Variants in PTGER2 observed in about 807,000 individuals in gnomAD.
PTGER2 encodes the protein prostaglandin E receptor 2, also known as prostaglandin E2 receptor EP2 subtype.
Under a neutral mutation model 26.2 loss-of-function variants are expected in PTGER2, and 22 were observed. The ratio of observed to expected loss-of-function variants is 0.84; its 90% confidence interval spans 0.60 to 1.20. PTGER2 has a LOEUF of 1.20. PTGER2 is among the 50% of genes most tolerant of loss of function. The probability of loss-of-function intolerance (pLI) is 0.00; values close to 1 mark genes in which losing one functional copy is unlikely to be tolerated. For synonymous variants in PTGER2, 219 were observed against 208.9 expected (o/e 1.05, Z -0.42); for missense variants, 458 against 475.2 (o/e 0.96, Z 0.34).
chr14:52,323,486 T>A (rs1048625200), intron 1 of PTGER2, among the ~76,000 whole-genome samples: 5 of 152,146 alleles, frequency 3.3e-5, no homozygotes, highest in Non-Finnish European at 7.4e-5. Context: ...ACTTCTCACC[T>A]CAGGTGACCT....
chr14:52,316,587 TGGA>T (rs1308109962), intron 1 of PTGER2, among the ~76,000 whole-genome samples: 1 of 152,230 alleles, frequency 6.6e-6, no homozygotes, highest in Non-Finnish European at 1.5e-5. Flanking sequence ...CTGTAAAAGC[TGGA>T]GGAGAAGTAA....
At chr14:52,323,448 T>C (rs1037574883) in intron 1 of PTGER2, among the ~76,000 whole-genome samples, 1 of 152,058 alleles carries the variant, frequency 6.6e-6, no homozygotes, top group Non-Finnish European at 1.5e-5. Flanking sequence ...GAGATGTAGT[T>C]TCACCATGTT....
Position 52,315,202 on chromosome 14 carries a change from C to T in PTGER2, c.654C>T (p.Val218=), listed in dbSNP as rs560909166. The change falls in exon 1 of 2, where the codon GTC becomes GTT. Residue 218 remains valine (V), a synonymous_variant. Transcript: ENST00000245457. ...CGGTGCTCGCCTGCAACTTCAGTGTCATTCTCAACCTCATCCGCATGCACC... is the reference window on the plus strand; with the variant it reads ...CGGTGCTCGCCTGCAACTTCAGTGTTATTCTCAACCTCATCCGCATGCACC... The part of the protein sequence containing the change: ...IVSVLACNFS[V]ILNLIRMHRR... 13 of 1,610,190 alleles carry T rather than the reference C, an allele frequency of 8.1e-6. No homozygotes were observed. In the East Asian group the frequency reaches 2.2e-4, roughly 28 times the overall value.
intron 1 of PTGER2, among the ~76,000 whole-genome samples, chr14:52,325,091 A>G (rs2033935928): frequency 6.6e-6 from 1 of 152,074 alleles, no homozygotes; most frequent in African/African-American, 2.4e-5. Flanking sequence ...GTGAGTGGAG[A>G]TCACGCCACT....
chr14:52,315,072 A>T lies in PTGER2; in HGVS notation c.524A>T (p.Tyr175Phe), dbSNP rs888714128. ...TTCTGCTCGCTGCCGCTGCTGGACT[A>T]TGGGCAGTACGTCCAGTACTGCCCC... ...LLFCSLPLLDYGQYVQYCPGT... is the reference protein window; with the variant it reads ...LLFCSLPLLDFGQYVQYCPGT... Residue 175 changes from tyrosine to phenylalanine, a missense_variant, in exon 1 of 2, where the codon TAT becomes TTT. Coordinates refer to ENST00000245457, the MANE Select transcript of PTGER2 (RefSeq NM_000956.4). The T allele has an allele frequency of 1.9e-6, 3 of 1,611,698 alleles. No homozygotes were observed. Among genetic ancestry groups the T allele is most frequent in the Middle Eastern group, 1.7e-4 (1 of 5,908 alleles).
intron 1 of PTGER2, among the ~76,000 whole-genome samples, chr14:52,325,005 G>A (rs2033935187): frequency 6.6e-6 from 1 of 152,066 alleles, no homozygotes; most frequent in South Asian, 2.1e-4. Flanking sequence ...CAGGCGTGGT[G>A]GCGGGTGCCT....
Position 52,315,100 on chromosome 14 carries a change from G to A in PTGER2, c.552G>A (p.Gly184=). The change falls in exon 1 of 2, where the codon GGG becomes GGA. Residue 184 remains glycine (G), a synonymous_variant. Coordinates refer to ENST00000245457, the MANE Select transcript of PTGER2 (RefSeq NM_000956.4). ...DYGQYVQYCP[G]TWCFIRHGRT... is the part of the protein sequence containing the mutation. ...GGCAGTACGTCCAGTACTGCCCCGG[G>A]ACCTGGTGCTTCATCCGGCACGGGC... is the stretch of plus-strand genomic sequence containing the variant. 2 of 1,610,954 alleles carry A rather than the reference G, an allele frequency of 1.2e-6. No individual in the cohort carries two copies. Among genetic ancestry groups the A allele is most frequent in the Non-Finnish European group, 8.5e-7 (1 of 1,179,944 alleles).
chr14:52,327,040 ATT>A (rs1475683615), intron 1 of PTGER2, among the ~76,000 whole-genome samples, 179 bp from the exon 2 acceptor site: 1 of 152,224 alleles, frequency 6.6e-6, no homozygotes, highest in Non-Finnish European at 1.5e-5. Context: ...AAATACATTC[ATT>A]ATGTTACAGT....
Position 52,315,402 on chromosome 14 carries a change from C to T in PTGER2, c.843+11C>T. On this transcript the variant is annotated intron_variant, in intron 1 of 1. Transcript: ENST00000245457. Reference sequence around the variant, plus strand: ...TCCTTGCCTTTCACGGTAAGTCACTCCCTACGTTTCCACAGCCCGGCTCTG... The same window carrying T: ...TCCTTGCCTTTCACGGTAAGTCACTTCCTACGTTTCCACAGCCCGGCTCTG... 5 of 1,611,146 alleles carry T rather than the reference C, an allele frequency of 3.1e-6. No individual in the cohort carries two copies. Among genetic ancestry groups the T allele is most frequent in the Non-Finnish European group, 4.2e-6 (5 of 1,179,912 alleles).
intron 1 of PTGER2, among the ~76,000 whole-genome samples, chr14:52,315,900 A>G (rs1450855631): frequency 6.6e-6 from 1 of 152,232 alleles, no homozygotes; most frequent in South Asian, 2.1e-4. Context: ...TCCAGCTGCC[A>G]TTGAAAATGG....
Position 52,315,368 on chromosome 14 carries a change from G to A in PTGER2, c.820G>A (p.Ala274Thr). The A allele has an allele frequency of 3.7e-6, 6 of 1,613,094 alleles. No individual in the cohort carries two copies. The highest frequency in any genetic ancestry group is 5.1e-6 in the Non-Finnish European group (6 of 1,179,968). Residue 274 changes from alanine to threonine, a missense_variant, in exon 1 of 2, where the codon GCC becomes ACC. Ala to Thr is a moderately conservative substitution (Grantham distance 58). Transcript: ENST00000245457. ...ILLAIMTITF[A>T]VCSLPFTIFA... ...CCTGGCTATCATGACCATCACCTTC[G>A]CCGTCTGCTCCTTGCCTTTCACGGT... is the stretch of plus-strand genomic sequence containing the variant.
chr14:52,327,082 A>G, intron 1 of PTGER2, 139 bp from the exon 2 acceptor site: 1 of 626,048 alleles, frequency 1.6e-6, no homozygotes, highest in Non-Finnish European at 2.8e-6. Context: ...AAGATTCCCA[A>G]CCCCCACCTT....
rs2033965441 is a variant in PTGER2 at position 52,327,599 on chromosome 14, C to T, written c.*145C>T. ...ACAAACATTTAAGCTGTGGTCAAGGCTACAGATGTGCTGACAAGGCACTTC... is the reference window on the plus strand; with the variant it reads ...ACAAACATTTAAGCTGTGGTCAAGGTTACAGATGTGCTGACAAGGCACTTC... On this transcript the variant is annotated 3_prime_UTR_variant, in exon 2 of 2. Transcript: ENST00000245457. 1.5e-6 allele frequency: 1 copy of T among 685,330 alleles called. No homozygotes were observed. Among genetic ancestry groups the T allele is most frequent in the Admixed American group, 3.1e-5 (1 of 32,538 alleles). 42.5% of individuals were successfully genotyped at this position (685,330 alleles called of 1,614,324 possible).
chr14:52,323,582 A>G (rs1351508484), intron 1 of PTGER2, among the ~76,000 whole-genome samples: 2 of 152,228 alleles, frequency 1.3e-5, no homozygotes, highest in African/African-American at 2.4e-5. Context: ...GGTGATTTCA[A>G]TGATCGGCCA....
intron 1 of PTGER2, among the ~76,000 whole-genome samples, chr14:52,316,463 A>G (rs1029720748): frequency 6.6e-6 from 1 of 152,152 alleles, no homozygotes; most frequent in Non-Finnish European, 1.5e-5. Context: ...TCCACTTCCT[A>G]ATCTTCAGAA....
chr14:52,317,475 A>T (rs1426287571), intron 1 of PTGER2, among the ~76,000 whole-genome samples: 5 of 152,168 alleles, frequency 3.3e-5, no homozygotes, highest in African/African-American at 1.2e-4. Context: ...ATGTGTGTGG[A>T]TATAGATATA....
chr14:52,324,558 G>A (rs541958424), intron 1 of PTGER2, among the ~76,000 whole-genome samples: 2 of 152,304 alleles, frequency 1.3e-5, no homozygotes, highest in Admixed American at 1.3e-4. Flanking sequence ...TCCCAGCCAA[G>A]AAGAATTTAA....
At chr14:52,319,268 G>T (rs2033871540) in intron 1 of PTGER2, among the ~76,000 whole-genome samples, 2 of 152,174 alleles carry the variant, frequency 1.3e-5, no homozygotes, top group African/African-American at 2.4e-5. Context: ...CAACTATGTG[G>T]TTCCCTTTCT....
chr14:52,327,536 T>A lies in PTGER2; in HGVS notation c.*82T>A. 8.5e-7 allele frequency: 1 copy of A among 1,176,292 alleles called. No individual in the cohort carries two copies. The highest frequency in any genetic ancestry group is 1.2e-6 in the Non-Finnish European group (1 of 832,240). The allele number at this position is 1,176,292 out of a possible 1,614,324, so 72.9% of individuals were successfully genotyped here. On this transcript the variant is annotated 3_prime_UTR_variant, in exon 2 of 2. Coordinates refer to ENST00000245457, the MANE Select transcript of PTGER2 (RefSeq NM_000956.4). ...GTTCCTTGGAGAAATGAAAACAGTG[T>A]GTAAACAAAATGAAGCTGCCCTAAT...
Sources: allele counts gnomAD v4.1 joint callset (sites outside exome capture counted in the v4.1 genomes callset), GRCh38; gene constraint gnomAD v4.1.1; transcripts MANE v1.5; gene names NCBI Gene and HGNC (gene_info 2026-07-23, HGNC 2026-07-21).